The following GATM variants were observed in gnomAD, a reference collection of about 807,000 sequenced individuals.
The protein encoded by GATM is glycine amidinotransferase, mitochondrial.
A neutral mutation model predicts 54.2 loss-of-function variants in GATM; 23 were observed. The ratio of observed to expected loss-of-function variants is 0.42; its 90% CI spans 0.31 to 0.60. GATM has a LOEUF of 0.60. GATM is among the 20% of genes least tolerant of loss of function. The pLI is 0.14. For synonymous variants in GATM, 168 were observed against 183.1 expected (o/e 0.92, Z 0.67); for missense variants, 401 against 544.9 (o/e 0.74, Z 2.63).
chr15:45,364,908 A>G, intron 6 of GATM, 48 bp from the exon 7 acceptor site: 1 of 1,383,890 alleles, frequency 7.2e-7, no homozygotes, highest in South Asian at 1.2e-5. Flanking sequence ...TACATATACT[A>G]TTATTATTAT....
intron 2 of GATM, 90 bp from the exon 3 acceptor site, chr15:45,369,611 G>A: frequency 8.4e-7 from 1 of 1,187,484 alleles, no homozygotes; most frequent in Non-Finnish European, 1.2e-6. Flanking sequence ...CTTTGTATAA[G>A]GTATTGGAAT....
intron 7 of GATM, 138 bp downstream of exon 7, chr15:45,364,659 G>A: frequency 1.3e-6 from 1 of 769,342 alleles, no homozygotes; most frequent in Admixed American, 2.1e-5. Context: ...GATGCTCACA[G>A]TCCCAAGCAC....
intron 3 of GATM, among the ~76,000 whole-genome samples, chr15:45,385,671 A>G (rs542276850): frequency 6.6e-6 from 1 of 152,316 alleles, no homozygotes; most frequent in African/African-American, 2.4e-5. Flanking sequence ...TAGTCTTAGA[A>G]AAAGGAAGCT....
Position 45,364,839 on chromosome 15 carries a change from C to G in GATM, c.1000G>C (p.Gly334Arg), listed in dbSNP as rs749007953. Residue 334 changes from glycine to arginine, a missense_variant, in exon 7 of 9, where the codon GGA becomes CGA. By Grantham distance (125) the Gly-to-Arg change is moderately radical. Around this residue, in one of 3 missense-constraint regions of GATM, gnomAD observed 321 missense variants for 457.5 expected, o/e 0.70. Coordinates refer to ENST00000396659, the MANE Select transcript of GATM (RefSeq NM_001482.3). ...GTTGGAGGAGTAATGATAGTCCATC[C>G]TGCTTTCTTGAAAAGATCAATCTGT... ...CHQIDLFKKAGWTIITPPTPI... is the reference protein window; with the variant it reads ...CHQIDLFKKARWTIITPPTPI... 6.2e-7 allele frequency: 1 copy of G among 1,613,946 alleles called. No homozygotes were observed. Among genetic ancestry groups the G allele is most frequent in the South Asian group, 1.1e-5 (1 of 91,070 alleles).
chr15:45,378,667 C>T, upstream of GATM: 1 of 400,930 alleles, frequency 2.5e-6, no homozygotes, highest in East Asian at 4.2e-5. Context: ...TAGGAACTGT[C>T]GGGAAGCGCC....
At chr15:45,396,086 G>A (rs1045726837) in intron 3 of GATM, 2 of 152,222 alleles carry the variant, frequency 1.3e-5, no homozygotes, top group Admixed American at 6.5e-5. Context: ...TAAGAGGTAC[G>A]CACAGGGTAT....
chr15:45,377,361 C>T (rs1889656869), intron 1 of GATM: 2 of 421,098 alleles, frequency 4.7e-6, no homozygotes, highest in Admixed American at 6.0e-5. Flanking sequence ...AAATTTTTTT[C>T]ATCTTTGACA....
intron 3 of GATM, among the ~76,000 whole-genome samples, chr15:45,390,527 TATC>T (rs1452130769): frequency 6.6e-6 from 1 of 152,198 alleles, no homozygotes. Context: ...AAGCTAGTAT[TATC>T]ATCAGTTGTG....
chr15:45,383,886 CTACTATT>C (rs1388066398), intron 3 of GATM, among the ~76,000 whole-genome samples: 5 of 152,188 alleles, frequency 3.3e-5, no homozygotes, highest in African/African-American at 1.2e-4. Context: ...ATAATAATAA[CTACTATT>C]TACTGAGCAC....
intron 3 of GATM, among the ~76,000 whole-genome samples, chr15:45,387,536 C>CT (rs1033008455): frequency 6.6e-6 from 1 of 151,968 alleles, no homozygotes; most frequent in African/African-American, 2.4e-5. Context: ...CTTGTTAATA[C>CT]TTTTTTTAGA....
At chr15:45,365,757 T>C (rs1889438578) in intron 6 of GATM, among the ~76,000 whole-genome samples, 1 of 152,196 alleles carries the variant, frequency 6.6e-6, no homozygotes, top group Non-Finnish European at 1.5e-5. Context: ...TATAACACCA[T>C]CGTTTGATAA....
At chr15:45,385,485 GTGAA>G (rs757819969) in intron 3 of GATM, among the ~76,000 whole-genome samples, 1 of 152,186 alleles carries the variant, frequency 6.6e-6, no homozygotes, top group African/African-American at 2.4e-5. Context: ...TATTTCTTAA[GTGAA>G]TGAATAAATT....
upstream of GATM, chr15:45,379,576 A>C (rs1889705954): frequency 6.6e-6 from 1 of 152,124 alleles, no homozygotes; most frequent in South Asian, 2.1e-4. Context: ...TGTCTTCCTG[A>C]ATTGCAGTCT....
intron 2 of GATM, chr15:45,397,252 T>C (rs1035389992): frequency 1.7e-4 from 26 of 152,064 alleles, no homozygotes; most frequent in African/African-American, 5.8e-4. Flanking sequence ...CCGTGGACTT[T>C]CCTGAGTGAT....
chr15:45,393,674 C>G (rs1165895251), intron 3 of GATM, among the ~76,000 whole-genome samples: 1 of 152,242 alleles, frequency 6.6e-6, no homozygotes, highest in East Asian at 1.9e-4. Context: ...GTGCTTGGGA[C>G]CAGAAGTGTT....
upstream of GATM, chr15:45,378,688 G>A: frequency 2.5e-6 from 1 of 394,658 alleles, no homozygotes; most frequent in Non-Finnish European, 4.5e-6. Flanking sequence ...GCGGCCGCTG[G>A]CTCGAGCCTC....
In GATM at chr15:45,378,253, C is replaced by T. The variant is rs1386743328; in HGVS notation, c.69+132G>A. ...CTTCCCAGGGATACCAGAAGGGACA[C>T]TCTCGTGCAATTCCGGCTAGGGAAA... On this transcript the variant is annotated intron_variant, in intron 1 of 8. Coordinates refer to ENST00000396659, the MANE Select transcript of GATM (RefSeq NM_001482.3). The T allele has an allele frequency of 2.1e-5, 14 of 665,800 alleles. 1 individual carries two copies. The highest frequency in any genetic ancestry group is 9.3e-5 in the South Asian group (5 of 53,490). The allele number at this position is 665,800 out of a possible 1,614,324, so 41.2% of individuals were successfully genotyped here. A position where few individuals can be genotyped will look rare whatever the true frequency, so the allele number is the denominator to read the frequency against.
chr15:45,401,348 T>G (rs932575419), intron 1 of GATM, among the ~76,000 whole-genome samples: 1 of 152,202 alleles, frequency 6.6e-6, no homozygotes, highest in Non-Finnish European at 1.5e-5. Context: ...CCCAGCAACT[T>G]AAGCACTCTA....
chr15:45,368,727 T>C lies in GATM; in HGVS notation c.485-467A>G, dbSNP rs534439054. 1.1e-4 allele frequency among the ~76,000 whole-genome samples: 17 copies of C among 150,860 alleles called. No homozygotes were observed. The highest frequency in any genetic ancestry group is 4.1e-4 in the African/African-American group (17 of 41,008). ...AATAGCAAAAAATTCGAATAACACA[T>C]ACTAGATTGTTAACATGAATTGTGT... On this transcript the variant is annotated intron_variant, in intron 3 of 8. Coordinates refer to ENST00000396659, the MANE Select transcript of GATM (RefSeq NM_001482.3). This position sits in a 1 kb window ranked among gnomAD's most constrained non-coding sequence, Gnocchi z 5.1.
Sources: gnomAD v4.1 joint callset for allele counts (sites outside exome capture counted in the v4.1 genomes callset) on GRCh38, gnomAD v4.1.1 for gene constraint, gnomAD v4.1.1 regional missense constraint, Gnocchi (gnomAD v3.1) non-coding constraint, MANE v1.5 for transcripts, NCBI Gene and HGNC (gene_info 2026-07-23, HGNC 2026-07-21) for gene names.